Variants in CPEB3 observed in about 807,000 individuals in gnomAD.
The protein encoded by CPEB3 is cytoplasmic polyadenylation element-binding protein 3.
A neutral mutation model predicts 67.2 loss-of-function variants in CPEB3; 20 were observed. The ratio of observed to expected loss-of-function variants is 0.30; its 90% CI spans 0.21 to 0.43. CPEB3 has a LOEUF of 0.43. CPEB3 is among the 20% of genes least tolerant of loss of function. CPEB3 has a pLI of 1.00. For missense variants in CPEB3, 746 were observed against 968.6 expected (o/e 0.77, Z 3.05); for synonymous variants, 376 against 393.1 (o/e 0.96, Z 0.51).
In CPEB3 at chr10:92,048,522, G is replaced by C. The variant is rs955455284; in HGVS notation, c.*3690C>G. The C allele has an allele frequency of 1.3e-5, 2 of 152,354 alleles. No homozygotes were observed. The highest frequency in any genetic ancestry group is 2.9e-5 in the Non-Finnish European group (2 of 68,062). The allele number at this position is 152,354 out of a possible 1,614,324, so 9.4% of individuals were successfully genotyped here. A position where few individuals can be genotyped will look rare whatever the true frequency, so the allele number is the denominator to read the frequency against. ...ACTTCATTCTCAGGGCCACAGGTTT[G>C]GCTGCACCTGGTGTTGTATAAATCC... On this transcript the variant is annotated 3_prime_UTR_variant, in exon 10 of 10. Coordinates refer to ENST00000265997, the MANE Select transcript of CPEB3 (RefSeq NM_014912.5). The surrounding 1 kb of genome is among the most constrained non-coding windows in gnomAD (Gnocchi z 4.1).
At chr10:92,186,782 C>T (rs978404609) in intron 3 of CPEB3, among the ~76,000 whole-genome samples, 5 of 152,102 alleles carry the variant, frequency 3.3e-5, no homozygotes, top group Non-Finnish European at 7.3e-5. Flanking sequence ...GATGATTACG[C>T]AAATTAATGG....
At chr10:92,140,141 CAT>C (rs1846330290) in intron 6 of CPEB3, among the ~76,000 whole-genome samples, 1 of 151,666 alleles carries the variant, frequency 6.6e-6, no homozygotes, top group African/African-American at 2.4e-5. Context: ...CTTTAAAGTT[CAT>C]ATGGAACCAA....
intron 1 of CPEB3, among the ~76,000 whole-genome samples, chr10:92,272,653 G>T (rs1357763084): frequency 6.6e-6 from 1 of 152,146 alleles, no homozygotes; most frequent in Non-Finnish European, 1.5e-5. Context: ...ACTAGGCACT[G>T]GGGATACAGT....
At chr10:92,170,807 A>T (rs1433946807) in intron 4 of CPEB3, among the ~76,000 whole-genome samples, 2 of 152,136 alleles carry the variant, frequency 1.3e-5, no homozygotes, top group African/African-American at 2.4e-5. Flanking sequence ...TCAGGTCTGA[A>T]ATTGCTTACT....
chr10:92,156,195 T>G (rs1847201018), intron 4 of CPEB3, among the ~76,000 whole-genome samples: 1 of 152,126 alleles, frequency 6.6e-6, no homozygotes, highest in Admixed American at 6.6e-5. Flanking sequence ...TGGAGAAGGC[T>G]TCCTGGAAAG....
intron 9 of CPEB3, among the ~76,000 whole-genome samples, chr10:92,067,555 A>G (rs1842602178): frequency 1.3e-5 from 2 of 151,946 alleles, no homozygotes; most frequent in Admixed American, 1.3e-4. Context: ...GCAGTGGCGC[A>G]TGCCTGTAAT....
rs34608647 is a variant in CPEB3, at chr10:92,199,895, CAGAG to C, written c.1006-7263_1006-7260del. Reference sequence around the variant, plus strand: ...ACGAACCTATTTTTCTCCAAACACACAGAGAGAGAGAGAGAGAGAGAGAGAGAGA... The same window carrying C: ...ACGAACCTATTTTTCTCCAAACACACAGAGAGAGAGAGAGAGAGAGAGAGA... On this transcript the variant is annotated intron_variant, in intron 2 of 9. Coordinates refer to ENST00000265997, the MANE Select transcript of CPEB3 (RefSeq NM_014912.5). Among the ~76,000 whole-genome samples the C allele has an allele frequency of 5.0e-3, 734 of 147,772 alleles. 2 individuals are homozygous for C. The highest frequency in any genetic ancestry group is 7.0e-3 in the Non-Finnish European group (469 of 66,666).
chr10:92,127,734 C>T lies in CPEB3; in HGVS notation c.1453+15295G>A, dbSNP rs540560236. On this transcript the variant is annotated intron_variant, in intron 6 of 9. Transcript: ENST00000265997. Reference sequence around the variant, plus strand: ...AGAGGGCTTCAGAAAAAAGGAAGTACTAAGGCCCCCCAGAGGCCTCAGTTG... The same window carrying T: ...AGAGGGCTTCAGAAAAAAGGAAGTATTAAGGCCCCCCAGAGGCCTCAGTTG... 3.9e-5 allele frequency among the ~76,000 whole-genome samples: 6 copies of T among 152,230 alleles called. No individual in the cohort carries two copies. The South Asian group carries it at 1.2e-3, about 32-fold the overall frequency.
intron 3 of CPEB3, among the ~76,000 whole-genome samples, chr10:92,187,835 G>A (rs115631662): frequency 3.2e-4 from 48 of 152,268 alleles, no homozygotes; most frequent in African/African-American, 1.2e-3. Context: ...CTAGAAATGA[G>A]AACAGAGAAC....
intron 7 of CPEB3, among the ~76,000 whole-genome samples, chr10:92,110,445 C>G (rs191340090): frequency 1.6e-4 from 25 of 152,316 alleles, no homozygotes; most frequent in Non-Finnish European, 2.5e-4. Context: ...CCACTGATAG[C>G]TCTTCTGCCA....
At chr10:92,069,852 G>A (rs1842689153) in intron 9 of CPEB3, among the ~76,000 whole-genome samples, 1 of 152,114 alleles carries the variant, frequency 6.6e-6, no homozygotes, top group Admixed American at 6.6e-5. Flanking sequence ...TTCTTATATG[G>A]AGACATTTTA....
At chr10:92,177,946 C>T (rs1848296596) in intron 4 of CPEB3, among the ~76,000 whole-genome samples, 3 of 152,016 alleles carry the variant, frequency 2.0e-5, no homozygotes, top group Admixed American at 2.0e-4. Flanking sequence ...CTAGGAAGCA[C>T]AAATTTCACA....
chr10:92,187,522 G>A (rs139358223), intron 3 of CPEB3, among the ~76,000 whole-genome samples: 81 of 152,298 alleles, frequency 5.3e-4, no homozygotes, highest in African/African-American at 1.9e-3. Flanking sequence ...GCTATACTGG[G>A]CTTCCCCAGT....
In CPEB3 at chr10:92,248,162, G is replaced by A. The variant is rs900702801; in HGVS notation, c.-11-7801C>T. On this transcript the variant is annotated intron_variant, in intron 1 of 9. Transcript: ENST00000265997. The stretch of plus-strand genomic sequence containing the variant: ...TAAGTTCCTTATGTAAAATGGCATA[G>A]TATTTGCATACAACCTATGCACATC... 3.9e-5 allele frequency among the ~76,000 whole-genome samples: 6 copies of A among 152,226 alleles called. 1 individual carries two copies. The highest frequency in any genetic ancestry group is 6.8e-3 in the Middle Eastern group (2 of 294).
chr10:92,209,941 C>CAAAAAAAAAA (rs768962869), intron 2 of CPEB3, among the ~76,000 whole-genome samples: 1 of 59,044 alleles, frequency 1.7e-5, no homozygotes, highest in Admixed American at 2.0e-4. Context: ...GGCTCTGTCT[C>CAAAAAAAAAA]AAAAAAAAAA....
Position 92,240,262 on chromosome 10 carries a change from G to A in CPEB3, c.89C>T (p.Ser30Phe). ...CGTGGACGGGGCTTCGGATACGCTGGACTCAGGTTGGGGCTGCTGCTGCTG... is the reference window on the plus strand; with the variant it reads ...CGTGGACGGGGCTTCGGATACGCTGAACTCAGGTTGGGGCTGCTGCTGCTG... ...QRQQQQPQPE[S>F]SVSEAPSTPL... The change falls in exon 2 of 10, where the codon TCC becomes TTC. Residue 30 changes from serine to phenylalanine, a missense_variant. By Grantham distance (155) the Ser-to-Phe change is radical. This residue lies in a region of CPEB3 where 643 missense variants were observed against 717.5 expected (regional missense o/e 0.90). Transcript: ENST00000265997. The A allele has an allele frequency of 2.0e-6, 3 of 1,517,826 alleles. No individual in the cohort carries two copies. Among genetic ancestry groups the A allele is most frequent in the Non-Finnish European group, 2.7e-6 (3 of 1,131,726 alleles). 94.0% of individuals were successfully genotyped at this position (1,517,826 alleles called of 1,614,324 possible).
At chr10:92,140,071 CAAAA>C (rs113444635) in intron 6 of CPEB3, among the ~76,000 whole-genome samples, 1 of 114,496 alleles carries the variant, frequency 8.7e-6, no homozygotes, top group Non-Finnish European at 1.9e-5. Flanking sequence ...GACTCTGTCT[CAAAA>C]AAAAAAAAAA....
At chr10:92,166,361 G>A (rs780844376) in intron 4 of CPEB3, among the ~76,000 whole-genome samples, 3 of 151,866 alleles carry the variant, frequency 2.0e-5, no homozygotes, top group East Asian at 1.9e-4. Flanking sequence ...CACCCTCCTC[G>A]ACCTCCCAAA....
chr10:92,161,425 C>T (rs1338889233), intron 4 of CPEB3, among the ~76,000 whole-genome samples: 8 of 152,006 alleles, frequency 5.3e-5, no homozygotes, highest in Admixed American at 5.2e-4. Flanking sequence ...GTGCCTGCCA[C>T]CTTGCCCAGC....
Sources: gnomAD v4.1 joint callset for allele counts (sites outside exome capture counted in the v4.1 genomes callset) on GRCh38, gnomAD v4.1.1 for gene constraint, gnomAD v4.1.1 regional missense constraint, Gnocchi (gnomAD v3.1) non-coding constraint, MANE v1.5 for transcripts, NCBI Gene and HGNC (gene_info 2026-07-23, HGNC 2026-07-21) for gene names.